Variants in CTNND2 observed in about 807,000 individuals in gnomAD.
CTNND2 encodes the protein catenin delta 2.
CTNND2 carries 22 observed loss-of-function variants against 144.4 expected under a neutral mutation model. The observed-to-expected ratio is 0.15, with a 90% CI of 0.11 to 0.22. The LOEUF is 0.22. CTNND2 is among the 10% of genes least tolerant of loss of function. The probability of loss-of-function intolerance (pLI) is 1.00; values close to 1 mark genes in which losing one functional copy is unlikely to be tolerated. For synonymous variants in CTNND2, 751 were observed against 695.6 expected (o/e 1.08, Z -1.25); for missense variants, 1,353 against 1,618.8 (o/e 0.84, Z 2.82).
intron 1 of CTNND2, among the ~76,000 whole-genome samples, chr5:11,780,802 CTG>C (rs918269973): frequency 2.8e-4 from 43 of 152,238 alleles, no homozygotes; most frequent in African/African-American, 9.6e-4. Flanking sequence ...GATGCTTTTC[CTG>C]TGACTGCACC....
chr5:11,444,565 G>A (rs1764637484), intron 3 of CTNND2, among the ~76,000 whole-genome samples: 1 of 152,096 alleles, frequency 6.6e-6, no homozygotes, highest in South Asian at 2.1e-4. Flanking sequence ...AGCTTGGTGT[G>A]GTGGTTCACA....
chr5:11,203,828 A>G (rs1289529561), intron 10 of CTNND2, among the ~76,000 whole-genome samples: 1 of 152,276 alleles, frequency 6.6e-6, no homozygotes, highest in African/African-American at 2.4e-5. Context: ...AATGGAAACA[A>G]TGAATGTTGA....
Position 11,316,468 on chromosome 5 carries a change from T to TTATTA in CTNND2, c.1628+29903_1628+29904insTAATA, listed in dbSNP as rs1751492646. Among the ~76,000 whole-genome samples, 12 of 73,402 alleles carry TTATTA rather than the reference T, an allele frequency of 1.6e-4. No individual in the cohort carries two copies. In the South Asian group the frequency reaches 2.2e-3, roughly 13 times the overall value. The allele number at this position is 73,402 out of a possible 152,430, so 48.2% of individuals were successfully genotyped here. On this transcript the variant is annotated intron_variant, in intron 9 of 21. Coordinates refer to ENST00000304623, the MANE Select transcript of CTNND2 (RefSeq NM_001332.4). Reference sequence around the variant, plus strand: ...AGGTAGGTACTCTTATCCACTATTTTTTATTATTATTATTATTATTATTAT... The same window carrying TTATTA: ...AGGTAGGTACTCTTATCCACTATTTTTATTATTATTATTATTATTATTATTATTAT...
At chr5:11,668,610 A>C (rs1476664910) in intron 2 of CTNND2, among the ~76,000 whole-genome samples, 1 of 152,094 alleles carries the variant, frequency 6.6e-6, no homozygotes, top group Non-Finnish European at 1.5e-5. Flanking sequence ...TTGCACATTG[A>C]TTTTGTATCC....
chr5:11,846,543 T>A (rs1794744762), intron 1 of CTNND2, among the ~76,000 whole-genome samples: 1 of 152,102 alleles, frequency 6.6e-6, no homozygotes, highest in Non-Finnish European at 1.5e-5. Flanking sequence ...GGACAATAAC[T>A]TTTTGTAATA....
chr5:11,625,341 T>C (rs191851044), intron 2 of CTNND2, among the ~76,000 whole-genome samples: 10 of 151,858 alleles, frequency 6.6e-5, no homozygotes, highest in Non-Finnish European at 1.5e-4. Flanking sequence ...GAAAGAACAA[T>C]GTTTTCAACA....
intron 16 of CTNND2, among the ~76,000 whole-genome samples, chr5:11,061,703 T>C (rs1484443246): frequency 1.3e-5 from 2 of 150,758 alleles, no homozygotes; most frequent in Non-Finnish European, 2.9e-5. Context: ...AAAGTAGATA[T>C]TGTTTTCTTT....
chr5:11,323,365 T>C (rs1266950689), intron 9 of CTNND2, among the ~76,000 whole-genome samples: 1 of 152,100 alleles, frequency 6.6e-6, no homozygotes, highest in Non-Finnish European at 1.5e-5. Flanking sequence ...CTGACTTTTT[T>C]CCCACATACT....
intron 9 of CTNND2, among the ~76,000 whole-genome samples, chr5:11,261,971 AG>A (rs1412018275): frequency 1.3e-5 from 2 of 152,220 alleles, no homozygotes; most frequent in Admixed American, 1.3e-4. Flanking sequence ...CATAAAATCA[AG>A]GTGAGTCAAA....
chr5:11,322,651 C>A (rs564815314), intron 9 of CTNND2, among the ~76,000 whole-genome samples: 1 of 151,924 alleles, frequency 6.6e-6, no homozygotes, highest in East Asian at 1.9e-4. Flanking sequence ...TTCATTTTGA[C>A]AGCTATAGGA....
chr5:11,584,968 G>A (rs1778728475), intron 2 of CTNND2, among the ~76,000 whole-genome samples: 1 of 152,248 alleles, frequency 6.6e-6, no homozygotes, highest in Non-Finnish European at 1.5e-5. Context: ...TTCTTCATGT[G>A]TTCTGTGTTG....
At position 11,132,128 on chromosome 5, in the gene CTNND2, C is replaced by T. The variant is rs376133203; in HGVS notation, c.2160-14561G>A. Among the ~76,000 whole-genome samples, 56 of 152,302 alleles carry T rather than the reference C, an allele frequency of 3.7e-4. No individual in the cohort carries two copies. The South Asian group carries it at 9.7e-3, about 26-fold the overall frequency. On this transcript the variant is annotated intron_variant, in intron 12 of 21. Coordinates refer to ENST00000304623, the MANE Select transcript of CTNND2 (RefSeq NM_001332.4). ...TAACCCTTTGTTTTGTGCAATTCTC[C>T]AGCCCCTCTAAAATATTGTTTTATT...
chr5:11,370,410 C>T (rs917038136), intron 7 of CTNND2, among the ~76,000 whole-genome samples: 3 of 151,858 alleles, frequency 2.0e-5, no homozygotes, highest in African/African-American at 7.3e-5. Context: ...CCATCCTGTC[C>T]CAAATAAAGG....
At chr5:11,708,988 A>T (rs1440571445) in intron 2 of CTNND2, among the ~76,000 whole-genome samples, 1 of 152,190 alleles carries the variant, frequency 6.6e-6, no homozygotes, top group Non-Finnish European at 1.5e-5. Context: ...CACATGCATC[A>T]GTAGTTATTG....
Position 11,228,699 on chromosome 5 carries a change from C to T in CTNND2, c.1761+7992G>A, listed in dbSNP as rs562886979. ...CAGGGTCTGGCTATGTTGCTGATGC[C>T]GGTCTCCTGAGCTTAAGCAATCCTC... On this transcript the variant is annotated intron_variant, in intron 10 of 21. Transcript: ENST00000304623. Among the ~76,000 whole-genome samples the T allele has an allele frequency of 5.3e-5, 8 of 151,880 alleles. No homozygotes were observed. The South Asian group carries it at 6.2e-4, about 12-fold the overall frequency.
At chr5:11,485,070 A>G (rs926697989) in intron 3 of CTNND2, among the ~76,000 whole-genome samples, 1 of 152,232 alleles carries the variant, frequency 6.6e-6, no homozygotes, top group African/African-American at 2.4e-5. Context: ...GTTACATAAT[A>G]TACACTGAAA....
At chr5:11,728,291 T>C (rs578083732) in intron 2 of CTNND2, among the ~76,000 whole-genome samples, 2 of 149,394 alleles carry the variant, frequency 1.3e-5, no homozygotes, top group Admixed American at 6.6e-5. Flanking sequence ...ACCAACATGG[T>C]GAAACCTGTC....
chr5:11,286,887 C>T (rs1004581322), intron 9 of CTNND2, among the ~76,000 whole-genome samples: 11 of 152,176 alleles, frequency 7.2e-5, no homozygotes, highest in African/African-American at 2.4e-4. Flanking sequence ...ACAGTCCTTG[C>T]TTGCTGTCTA....
chr5:11,405,752 T>C (rs1761040177), intron 5 of CTNND2, among the ~76,000 whole-genome samples: 1 of 152,142 alleles, frequency 6.6e-6, no homozygotes, highest in South Asian at 2.1e-4. Flanking sequence ...TAACCTCCCA[T>C]TAATTTCATA....
Sources: gnomAD v4.1 joint callset for allele counts (sites outside exome capture counted in the v4.1 genomes callset) on GRCh38, gnomAD v4.1.1 for gene constraint, MANE v1.5 for transcripts, NCBI Gene and HGNC (gene_info 2026-07-23, HGNC 2026-07-21) for gene names.